YTHDC1: variants seen among roughly 807,000 people sequenced by gnomAD.
YTHDC1 encodes YTH N6-methyladenosine RNA binding protein C1, also known as YTH domain-containing protein 1.
YTHDC1 carries 12 observed loss-of-function variants against 107.0 expected under a neutral mutation model. The observed-to-expected ratio is 0.11, with a 90% CI of 0.07 to 0.18. The LOEUF (loss-of-function observed/expected upper bound fraction) is 0.18. YTHDC1 is among the 10% of genes least tolerant of loss of function. The pLI is 1.00. For missense variants in YTHDC1, 635 were observed against 898.8 expected (o/e 0.71, Z 3.75); for synonymous variants, 280 against 289.5 (o/e 0.97, Z 0.33).
At chr4:68,324,451 T>C (rs1052247912) in intron 9 of YTHDC1, among the ~76,000 whole-genome samples, 9 of 152,222 alleles carry the variant, frequency 5.9e-5, no homozygotes, top group South Asian at 2.1e-4. Context: ...CAAGATAACT[T>C]GGGGCTTAAA....
chr4:68,316,510 T>C, intron 15 of YTHDC1, 62 bp from the exon 16 acceptor site: 1 of 1,554,950 alleles, frequency 6.4e-7, no homozygotes, highest in South Asian at 1.2e-5. Flanking sequence ...AAGCGATTCT[T>C]AGAACCCTTC....
rs111922282 is a variant in YTHDC1 at position 68,340,967 on chromosome 4, G to C, written c.29-2583C>G. ...TTAACGAATTCAAATTCAGATACTG[G>C]TTGTAGTTTTAGAAAGCACCTACAA... On this transcript the variant is annotated intron_variant, in intron 1 of 16. Coordinates refer to ENST00000344157, the MANE Select transcript of YTHDC1 (RefSeq NM_001031732.4). Among the ~76,000 whole-genome samples, 614 of 152,154 alleles carry C rather than the reference G, an allele frequency of 4.0e-3. 4 individuals are homozygous for C. The highest frequency in any genetic ancestry group is 0.013 in the African/African-American group (552 of 41,536).
chr4:68,333,944 C>T (rs958531513), intron 4 of YTHDC1, among the ~76,000 whole-genome samples: 1 of 152,148 alleles, frequency 6.6e-6, no homozygotes, highest in African/African-American at 2.4e-5. Flanking sequence ...CTATTTCATT[C>T]TCCTTAGCCA....
At chr4:68,334,001 T>G (rs1360615046) in intron 4 of YTHDC1, among the ~76,000 whole-genome samples, 2 of 152,176 alleles carry the variant, frequency 1.3e-5, no homozygotes, top group South Asian at 2.1e-4. Context: ...AATTTAAAAT[T>G]TATCCCTACA....
Position 68,337,794 on chromosome 4 carries a change from G to A in YTHDC1, c.237C>T (p.Ser79=). 1 of 1,613,896 alleles carries A rather than the reference G, an allele frequency of 6.2e-7. No individual in the cohort carries two copies. The highest frequency in any genetic ancestry group is 8.5e-7 in the Non-Finnish European group (1 of 1,179,984). Residue 79 remains serine (S), a synonymous_variant, in exon 3 of 17, where the codon AGC becomes AGT. Transcript: ENST00000344157. ...LVSKPLSSSV[S]NNKRIVSTKG... ...TTGTACTAACTATTCTTTTGTTATT[G>A]CTAACAGATGAGCTCAGTGGCTTAG...
chr4:68,329,867 G>A lies in YTHDC1; in HGVS notation c.1349+135C>T, dbSNP rs1021735415. ...ACTTTAGACTAAATACGCCTTTGTT[G>A]TGTCCCACATTAGATAAAGGTAGTT... On this transcript the variant is annotated intron_variant, in intron 9 of 16. Transcript: ENST00000344157. The A allele has an allele frequency of 8.0e-6, 5 of 622,384 alleles. No individual in the cohort carries two copies. In the Admixed American group the frequency reaches 1.1e-4, roughly 13 times the overall value. 38.6% of individuals were successfully genotyped at this position (622,384 alleles called of 1,614,324 possible).
At chr4:68,334,979 T>A (rs1189602874) in intron 4 of YTHDC1, among the ~76,000 whole-genome samples, 2 of 152,224 alleles carry the variant, frequency 1.3e-5, no homozygotes, top group Admixed American at 1.3e-4. Flanking sequence ...AGCATTAGCA[T>A]GAGAAATCTC....
chr4:68,346,583 TG>T (rs905523139), intron 1 of YTHDC1, among the ~76,000 whole-genome samples: 12 of 152,208 alleles, frequency 7.9e-5, no homozygotes, highest in Admixed American at 1.3e-4. Context: ...CTGTCCTGCC[TG>T]GAAAATGAAT....
chr4:68,320,840 TTTTC>T (rs775905586), intron 11 of YTHDC1, among the ~76,000 whole-genome samples: 18 of 152,236 alleles, frequency 1.2e-4, no homozygotes, highest in Non-Finnish European at 2.5e-4. Context: ...AACATTTAGT[TTTTC>T]TTTCTACATC....
intron 1 of YTHDC1, among the ~76,000 whole-genome samples, chr4:68,346,498 G>A (rs1361628030): frequency 2.0e-5 from 3 of 152,150 alleles, no homozygotes; most frequent in Non-Finnish European, 4.4e-5. Context: ...ATATAAAAAT[G>A]GAGAATTCCA....
chr4:68,319,001 A>G (rs1008480640), intron 12 of YTHDC1, 139 bp from the exon 13 acceptor site: 12 of 817,018 alleles, frequency 1.5e-5, no homozygotes, highest in Non-Finnish European at 2.3e-5. Context: ...GTATTATCCC[A>G]TTTTCAAATT....
In YTHDC1 at chr4:68,337,351, T is replaced by A. The variant is rs754798178; in HGVS notation, c.559A>T (p.Ser187Cys). ...EEYGSDHETG[S>C]SGSSDEQGNN... The stretch of plus-strand genomic sequence containing the variant: ...CCTTGCTCATCAGAAGAACCACTGC[T>A]GCCAGTCTCATGGTCAGAGCCATAT... The change falls in exon 4 of 17, where the codon AGC (serine) becomes TGC (cysteine). Residue 187 changes from serine to cysteine, a missense_variant. By Grantham distance (112) the Ser-to-Cys change is moderately radical. Around this residue, in one of 5 missense-constraint regions of YTHDC1, gnomAD observed 294 missense variants for 312.3 expected, o/e 0.94. Transcript: ENST00000344157. 1 of 1,614,136 alleles carries A rather than the reference T, an allele frequency of 6.2e-7. No homozygotes were observed. Among genetic ancestry groups the A allele is most frequent in the Non-Finnish European group, 8.5e-7 (1 of 1,180,030 alleles).
At chr4:68,339,607 C>CACACAGAG (rs1560500345) in intron 1 of YTHDC1, among the ~76,000 whole-genome samples, 1 of 151,142 alleles carries the variant, frequency 6.6e-6, no homozygotes, top group Non-Finnish European at 1.5e-5. Context: ...CATGCACGTA[C>CACACAGAG]ACACACAGAC....
At chr4:68,336,809 A>G (rs149515005) in intron 4 of YTHDC1, among the ~76,000 whole-genome samples, 54 of 152,336 alleles carry the variant, frequency 3.5e-4, no homozygotes, top group African/African-American at 1.1e-3. Flanking sequence ...CATTTACAAC[A>G]CAACCATTCT....
rs908504191 is a variant in YTHDC1, at chr4:68,325,160, A to G, written c.1350-937T>C. Among the ~76,000 whole-genome samples the G allele has an allele frequency of 3.9e-5, 6 of 152,358 alleles. 1 individual carries two copies. The South Asian group carries it at 1.2e-3, about 32-fold the overall frequency. Reference sequence around the variant, plus strand: ...CTGTTCAGCCAAAGTACATACAAAGACGAGAAAGATAAGAGTTTGCATCCC... The same window carrying G: ...CTGTTCAGCCAAAGTACATACAAAGGCGAGAAAGATAAGAGTTTGCATCCC... On this transcript the variant is annotated intron_variant, in intron 9 of 16. Coordinates refer to ENST00000344157, the MANE Select transcript of YTHDC1 (RefSeq NM_001031732.4).
chr4:68,338,360 T>C lies in YTHDC1; in HGVS notation c.53A>G (p.Asp18Gly). The change falls in exon 2 of 17, where the codon GAT becomes GGT. Residue 18 changes from aspartate (D) to glycine (G), a missense_variant. By Grantham distance (94) the Asp-to-Gly change is moderately conservative. Coordinates refer to ENST00000344157, the MANE Select transcript of YTHDC1 (RefSeq NM_001031732.4). ...EKDGELNVLD[D>G]ILTEVPEQDD... ...TTGTTCTGGTACTTCAGTTAAAATA[T>C]CATCCAGAACATTAAGTTCTCCATC... The C allele has an allele frequency of 6.2e-7, 1 of 1,604,482 alleles. No homozygotes were observed. Among genetic ancestry groups the C allele is most frequent in the Non-Finnish European group, 8.5e-7 (1 of 1,176,322 alleles).
chr4:68,346,098 T>TGTAC, intron 1 of YTHDC1, among the ~76,000 whole-genome samples: 1 of 141,534 alleles, frequency 7.1e-6, no homozygotes, highest in East Asian at 2.3e-4. Flanking sequence ...TATATATATA[T>TGTAC]ATACACACAC....
intron 9 of YTHDC1, 46 bp downstream of exon 9, chr4:68,329,956 A>G (rs1235826040): frequency 5.9e-6 from 8 of 1,356,414 alleles, no homozygotes; most frequent in Non-Finnish European, 8.4e-6. Context: ...CTAAACTGGT[A>G]GTGTATTCAA....
At chr4:68,349,647 C>G in intron 1 of YTHDC1, 79 bp downstream of exon 1, 1 of 454,052 alleles carries the variant, frequency 2.2e-6, no homozygotes, top group Non-Finnish European at 4.4e-6. Context: ...ACCCCCCACC[C>G]CCAACGACGA....
Sources: gnomAD v4.1 joint callset for allele counts (sites outside exome capture counted in the v4.1 genomes callset) on GRCh38, gnomAD v4.1.1 for gene constraint, gnomAD v4.1.1 regional missense constraint, MANE v1.5 for transcripts, NCBI Gene and HGNC (gene_info 2026-07-23, HGNC 2026-07-21) for gene names.